ZNF730: variants seen among roughly 807,000 people sequenced by gnomAD.
ZNF730 encodes the protein putative zinc finger protein 730.
In ZNF730, 12 loss-of-function variants were observed where a neutral mutation model predicts 12.6. The ratio of observed to expected loss-of-function variants is 0.95; its 90% confidence interval spans 0.61 to 1.54. The LOEUF (loss-of-function observed/expected upper bound fraction) is 1.54. ZNF730 is among the 40% of genes most tolerant of loss of function. ZNF730 has a pLI of 0.00. For synonymous variants in ZNF730, 194 were observed against 195.8 expected, an observed-to-expected ratio of 0.99 and a Z score of 0.08; for missense variants, 643 against 583.5, an observed-to-expected ratio of 1.10 and a Z score of -1.05.
intron 1 of ZNF730, among the ~76,000 whole-genome samples, chr19:23,094,297 TTA>T (rs1970209866): frequency 6.6e-6 from 1 of 151,734 alleles, no homozygotes; most frequent in African/African-American, 2.4e-5. Context: ...TTTTTTTTTT[TTA>T]AATCAGGCTT....
At chr19:23,116,328 C>CTTTTCTTTTCT (rs869125151), upstream of ZNF730, among the ~76,000 whole-genome samples, 12 of 100,466 alleles carry the variant, frequency 1.2e-4, no homozygotes, top group East Asian at 2.8e-3. Context: ...TCTTTTCTTT[C>CTTTTCTTTTCT]TTTCTTTCCT....
At chr19:23,109,583 G>A (rs960258823) in intron 1 of ZNF730, among the ~76,000 whole-genome samples, 4 of 151,772 alleles carry the variant, frequency 2.6e-5, no homozygotes, top group Non-Finnish European at 1.5e-5. Flanking sequence ...TGTATTTTTA[G>A]TAGAGATGGG....
upstream of ZNF730, chr19:23,116,939 G>A: frequency 9.7e-6 from 1 of 103,318 alleles, no homozygotes; most frequent in South Asian, 2.4e-4. Context: ...GGCCTTAAAC[G>A]TTATCCAATC....
intron 1 of ZNF730, among the ~76,000 whole-genome samples, chr19:23,098,000 C>T (rs1045392141): frequency 3.3e-5 from 5 of 152,022 alleles, no homozygotes; most frequent in African/African-American, 9.7e-5. Context: ...AAAAAATAGC[C>T]GGGTATGATA....
chr19:23,138,232 G>A (rs1970860227), intron 3 of ZNF730, among the ~76,000 whole-genome samples: 1 of 14,858 alleles, frequency 6.7e-5, no homozygotes, highest in Non-Finnish European at 2.1e-4. Context: ...GCAGTGAGCC[G>A]AGATCCCGCC....
Position 23,134,181 on chromosome 19 carries a change from T to C in ZNF730, c.105T>C (p.Asp35=), listed in dbSNP as rs765057606. 6.2e-7 allele frequency: 1 copy of C among 1,611,948 alleles called. No individual in the cohort carries two copies. Among genetic ancestry groups the C allele is most frequent in the Non-Finnish European group, 8.5e-7 (1 of 1,178,880 alleles). The part of the protein sequence containing the change: ...QQNLYRNVML[D]NYRNLVFLGI... ...ATTTATATAGAAATGTAATGTTAGA[T>C]AACTACAGAAACCTGGTCTTCCTGG... Residue 35 remains aspartate (D), a synonymous_variant, in exon 2 of 4, where the codon GAT becomes GAC. Transcript: ENST00000597761.
intron 1 of ZNF730, among the ~76,000 whole-genome samples, chr19:23,119,812 T>C (rs143921902): frequency 0.033 from 5,065 of 152,140 alleles, 118 homozygotes; most frequent in South Asian, 0.047. Flanking sequence ...TGAGACTCCG[T>C]CTCAAAAATA....
intron 1 of ZNF730, among the ~76,000 whole-genome samples, chr19:23,118,940 A>G (rs897997114): frequency 2.6e-5 from 4 of 152,122 alleles, no homozygotes; most frequent in African/African-American, 9.7e-5. Context: ...TGTTATCTTA[A>G]TTTCTGAGTT....
At chr19:23,140,432 A>G (rs2145688540) in intron 3 of ZNF730, among the ~76,000 whole-genome samples, 1 of 151,278 alleles carries the variant, frequency 6.6e-6, no homozygotes, top group African/African-American at 2.4e-5. Context: ...CAACATGGTG[A>G]GACCCCATCT....
chr19:23,095,514 T>G (rs62122968), intron 1 of ZNF730: 15,276 of 398,436 alleles, frequency 0.038, 321 homozygotes, highest in East Asian at 0.069. Flanking sequence ...GCTAAGCACC[T>G]AGCTCACATG....
intron 1 of ZNF730, among the ~76,000 whole-genome samples, chr19:23,100,630 CTTTTTTTTTTTTTTTTTTTTTTTTTTT>C (rs201462781): frequency 6.7e-5 from 8 of 118,566 alleles, no homozygotes; most frequent in East Asian, 2.3e-4. Flanking sequence ...GATGGTGATT[CTTTTTTTTTTTTTTTTTTTTTTTTTTT>C]TTTTTTTTTT....
intron 1 of ZNF730, chr19:23,128,182 T>G (rs1970694597): frequency 1.2e-6 from 1 of 838,128 alleles, no homozygotes; most frequent in East Asian, 2.4e-5. Flanking sequence ...TGGAGGCTTG[T>G]CTATCCCTCA....
upstream of ZNF730, among the ~76,000 whole-genome samples, chr19:23,114,300 C>CTTTTTTTTTTTTTTTT (rs11413226): frequency 5.9e-5 from 7 of 119,538 alleles, no homozygotes; most frequent in South Asian, 2.6e-4. Context: ...TTTTCTTTTT[C>CTTTTTTTTTTTTTTTT]TTTTCTTTTT....
intron 1 of ZNF730, among the ~76,000 whole-genome samples, chr19:23,103,368 C>T (rs1361908006): frequency 6.6e-6 from 1 of 152,130 alleles, no homozygotes; most frequent in Non-Finnish European, 1.5e-5. Context: ...GAAATAAAAG[C>T]ACAACAAGGT....
intron 2 of ZNF730, among the ~76,000 whole-genome samples, chr19:23,134,584 C>G (rs1320340426): frequency 1.1e-5 from 1 of 93,222 alleles, no homozygotes; most frequent in Non-Finnish European, 2.3e-5. Flanking sequence ...CCAGCCGCCC[C>G]GTCCTGGAGG....
intron 1 of ZNF730, among the ~76,000 whole-genome samples, chr19:23,078,143 C>G (rs2145426060): frequency 6.6e-6 from 1 of 152,204 alleles, no homozygotes; most frequent in East Asian, 1.9e-4. Context: ...TGACCGTCCC[C>G]CAGCCTGACA....
At chr19:23,134,407 G>A (rs866907549) in intron 2 of ZNF730, among the ~76,000 whole-genome samples, 3 of 138,342 alleles carry the variant, frequency 2.2e-5, no homozygotes, top group Admixed American at 7.2e-5. Context: ...CCCCCCGCCC[G>A]GCCAGCCGCC....
intron 1 of ZNF730, among the ~76,000 whole-genome samples, chr19:23,097,133 C>T (rs760383734): frequency 2.0e-4 from 31 of 152,310 alleles, no homozygotes; most frequent in Non-Finnish European, 1.5e-5. Context: ...ACTTTCTTCT[C>T]CTGCCTAGTT....
chr19:23,140,178 G>A (rs748881675), intron 3 of ZNF730, among the ~76,000 whole-genome samples: 4 of 151,208 alleles, frequency 2.6e-5, no homozygotes, highest in African/African-American at 7.3e-5. Context: ...TTTTTTTCTT[G>A]TGTAAGTGAG....
Sources: allele counts gnomAD v4.1 joint callset (sites outside exome capture counted in the v4.1 genomes callset), GRCh38; gene constraint gnomAD v4.1.1; transcripts MANE v1.5; gene names NCBI Gene and HGNC (gene_info 2026-07-23, HGNC 2026-07-21).